Variants in EFCAB8 observed in about 807,000 individuals in gnomAD.
The protein encoded by EFCAB8 is EF-hand calcium binding domain 8, also known as EF-hand calcium-binding domain-containing protein 8.
EFCAB8 carries 100 observed loss-of-function variants against 116.3 expected under a neutral mutation model. The ratio of observed to expected loss-of-function variants is 0.86; its 90% CI spans 0.73 to 1.02. The LOEUF (loss-of-function observed/expected upper bound fraction) is 1.02, where lower values mean the gene tolerates loss of function less well. Ranked by LOEUF, EFCAB8 falls within the 50% of genes least tolerant of loss-of-function variation. The pLI is 0.00. For missense variants in EFCAB8, 1,320 were observed against 1,416.9 expected (o/e 0.93, Z 1.10); for synonymous variants, 558 against 567.9 (o/e 0.98, Z 0.25).
At chr20:32,859,651 A>G (rs1263420608) in intron 1 of EFCAB8, among the ~76,000 whole-genome samples, 1 of 152,254 alleles carries the variant, frequency 6.6e-6, no homozygotes, top group Non-Finnish European at 1.5e-5. Context: ...TTGTCCAGAT[A>G]GACTAATTGT....
chr20:32,890,658 T>C (rs12624525), intron 7 of EFCAB8, among the ~76,000 whole-genome samples: 17,412 of 152,170 alleles, frequency 0.11, 1,181 homozygotes, highest in African/African-American at 0.19. Context: ...TGACAGCTGG[T>C]GATGTGAGGC....
At chr20:32,932,548 G>A (rs950435714) in intron 22 of EFCAB8, among the ~76,000 whole-genome samples, 3 of 152,154 alleles carry the variant, frequency 2.0e-5, no homozygotes, top group Non-Finnish European at 4.4e-5. Flanking sequence ...CACGTGTGTT[G>A]ATTTTTGGTT....
At chr20:32,861,494 G>A (rs1317198062) in intron 1 of EFCAB8, among the ~76,000 whole-genome samples, 1 of 152,146 alleles carries the variant, frequency 6.6e-6, no homozygotes, top group African/African-American at 2.4e-5. Flanking sequence ...TCTCCATGCT[G>A]GCCAGGCTGG....
intron 23 of EFCAB8, among the ~76,000 whole-genome samples, chr20:32,950,443 A>G (rs1440690068): frequency 6.6e-6 from 1 of 152,246 alleles, no homozygotes; most frequent in Non-Finnish European, 1.5e-5. Flanking sequence ...ACAGCTCAAC[A>G]GTCAACAGGG....
chr20:32,948,209 T>G (rs1375440449), intron 23 of EFCAB8, among the ~76,000 whole-genome samples: 3 of 152,024 alleles, frequency 2.0e-5, no homozygotes, highest in African/African-American at 7.2e-5. Flanking sequence ...ATAAACAACT[T>G]TATACAATAA....
chr20:32,929,011 T>G (rs2146271504), intron 20 of EFCAB8, among the ~76,000 whole-genome samples: 1 of 152,222 alleles, frequency 6.6e-6, no homozygotes, highest in African/African-American at 2.4e-5. Flanking sequence ...GAATCATCCT[T>G]GCATTCCAGG....
chr20:32,890,095 T>C (rs1338456861), intron 7 of EFCAB8, among the ~76,000 whole-genome samples: 2 of 151,922 alleles, frequency 1.3e-5, no homozygotes, highest in Non-Finnish European at 2.9e-5. Flanking sequence ...GCAGAAAGCC[T>C]TCACCCTACC....
intron 14 of EFCAB8, among the ~76,000 whole-genome samples, chr20:32,908,903 A>G (rs1405323204): frequency 6.6e-6 from 1 of 152,216 alleles, no homozygotes; most frequent in East Asian, 1.9e-4. Flanking sequence ...TCTGTGACTC[A>G]GGACTCAGCT....
intron 22 of EFCAB8, among the ~76,000 whole-genome samples, chr20:32,935,116 G>A (rs6057675): frequency 0.11 from 15,531 of 143,986 alleles, 1,556 homozygotes; most frequent in African/African-American, 0.27. Flanking sequence ...CCATTTGAAT[G>A]TCTTCTTTTG....
intron 5 of EFCAB8, among the ~76,000 whole-genome samples, chr20:32,882,364 G>A (rs1311122381): frequency 2.6e-5 from 4 of 152,106 alleles, no homozygotes; most frequent in African/African-American, 4.8e-5. Context: ...AGCTGTTCAC[G>A]GCACACTGTC....
chr20:32,867,810 T>TG, intron 3 of EFCAB8, 63 bp downstream of exon 3: 1 of 1,500,374 alleles, frequency 6.7e-7, no homozygotes, highest in Non-Finnish European at 8.9e-7. Flanking sequence ...ACCGAGTACC[T>TG]GGGGTGTGTG....
chr20:32,939,849 C>T lies in EFCAB8; in HGVS notation c.2791-3787C>T, dbSNP rs540590216. 4.0e-4 allele frequency among the ~76,000 whole-genome samples: 59 copies of T among 148,324 alleles called. 1 individual carries two copies. Among genetic ancestry groups the T allele is most frequent in the Middle Eastern group, 3.4e-3 (1 of 292 alleles). On this transcript the variant is annotated intron_variant, in intron 22 of 26. Coordinates refer to ENST00000400522, the MANE Select transcript of EFCAB8 (RefSeq NM_001143967.2). ...AGCTGGGATTACAGGTGCCCGCCAC[C>T]ATGCCTGGCTAATTTTTGTATTTTC... is the stretch of plus-strand genomic sequence containing the variant.
At chr20:32,877,249 C>A (rs1434660823) in intron 4 of EFCAB8, among the ~76,000 whole-genome samples, 1 of 131,212 alleles carries the variant, frequency 7.6e-6, no homozygotes, top group Non-Finnish European at 1.6e-5. Context: ...TGCTCTGTCG[C>A]CCAGGCTGGA....
chr20:32,951,032 C>T (rs1242050517), intron 23 of EFCAB8, among the ~76,000 whole-genome samples: 3 of 152,120 alleles, frequency 2.0e-5, no homozygotes, highest in South Asian at 2.1e-4. Context: ...TAATTAAAAC[C>T]GCTGTAAGAT....
intron 17 of EFCAB8, among the ~76,000 whole-genome samples, chr20:32,914,616 G>A (rs1423141196): frequency 6.6e-6 from 1 of 152,216 alleles, no homozygotes; most frequent in Non-Finnish European, 1.5e-5. Flanking sequence ...GGGGAAGCAA[G>A]GCACATCTTA....
intron 2 of EFCAB8, among the ~76,000 whole-genome samples, chr20:32,864,745 A>G (rs879568571): frequency 6.6e-5 from 10 of 152,172 alleles, no homozygotes; most frequent in Admixed American, 5.2e-4. Context: ...GTATGTATCA[A>G]TTGTCTGTTA....
rs200191926 is a variant in EFCAB8 at position 32,918,513 on chromosome 20, C to G, written c.2213C>G (p.Ser738Trp). 6.4e-7 allele frequency: 1 copy of G among 1,551,580 alleles called. No individual in the cohort carries two copies. The highest frequency in any genetic ancestry group is 8.7e-7 in the Non-Finnish European group (1 of 1,147,000). ...ANTNLRRSLV[S>W]APPVMRCPRD... Reference sequence around the variant, plus strand: ...ACCAACCTGAGGCGGAGCCTGGTGTCGGCTCCCCCAGTGATGCGGTGCCCG... The same window carrying G: ...ACCAACCTGAGGCGGAGCCTGGTGTGGGCTCCCCCAGTGATGCGGTGCCCG... The change falls in exon 19 of 27, where the codon TCG becomes TGG. Residue 738 changes from serine (S) to tryptophan (W), a missense_variant. Coordinates refer to ENST00000400522, the MANE Select transcript of EFCAB8 (RefSeq NM_001143967.2).
At chr20:32,885,705 C>CA in intron 6 of EFCAB8, 65 bp downstream of exon 6, 1 of 1,527,382 alleles carries the variant, frequency 6.5e-7, no homozygotes, top group South Asian at 1.2e-5. Flanking sequence ...TTAGCACCCC[C>CA]ATGGTGAAGG....
intron 17 of EFCAB8, among the ~76,000 whole-genome samples, chr20:32,916,354 C>G (rs777627259): frequency 1.1e-4 from 17 of 152,114 alleles, no homozygotes; most frequent in Non-Finnish European, 1.8e-4. Context: ...AACTCCTGGG[C>G]TCAAGTGATC....
Sources: gnomAD v4.1 joint callset for allele counts (sites outside exome capture counted in the v4.1 genomes callset) on GRCh38, gnomAD v4.1.1 for gene constraint, MANE v1.5 for transcripts, NCBI Gene and HGNC (gene_info 2026-07-23, HGNC 2026-07-21) for gene names.